Variants in NELL2 observed in about 807,000 individuals in gnomAD.
The protein encoded by NELL2 is neural EGFL like 2.
A neutral mutation model predicts 109.6 loss-of-function variants in NELL2; 41 were observed. That is an observed-to-expected ratio of 0.37 (90% CI 0.29 to 0.49). The LOEUF is 0.49. Ranked by LOEUF, NELL2 falls within the 20% of genes least tolerant of loss-of-function variation. The pLI, the probability that NELL2 is intolerant of heterozygous loss-of-function variation, is 0.98. For synonymous variants in NELL2, 355 were observed against 344.7 expected, an observed-to-expected ratio of 1.03 and a Z score of -0.33; for missense variants, 900 against 1,008.3, an observed-to-expected ratio of 0.89 and a Z score of 1.45.
Position 44,772,288 on chromosome 12 carries a change from A to G in NELL2, c.994+2459T>C, listed in dbSNP as rs563002413. ...ATGGTGATACACACACACACGCACA[A>G]ACACACATACAAGACATCATAGACA... On this transcript the variant is annotated intron_variant, in intron 9 of 19. Coordinates refer to ENST00000429094, the MANE Select transcript of NELL2 (RefSeq NM_001145108.2). 3.3e-5 allele frequency among the ~76,000 whole-genome samples: 5 copies of G among 152,238 alleles called. No individual in the cohort carries two copies. In the South Asian group the frequency reaches 1.0e-3, roughly 32 times the overall value.
chr12:44,525,159 C>T (rs531629786), intron 16 of NELL2, among the ~76,000 whole-genome samples: 7 of 152,256 alleles, frequency 4.6e-5, no homozygotes, highest in South Asian at 2.1e-4. Flanking sequence ...TGGCAATGGC[C>T]GAATTTTTGC....
intron 2 of NELL2, among the ~76,000 whole-genome samples, chr12:44,868,525 G>A (rs1485581957): frequency 6.6e-6 from 1 of 152,166 alleles, no homozygotes; most frequent in African/African-American, 2.4e-5. Flanking sequence ...TAAAGAAAAT[G>A]TGGTATATGT....
chr12:44,816,520 A>AAAC (rs1296068813), intron 2 of NELL2, among the ~76,000 whole-genome samples: 1 of 152,212 alleles, frequency 6.6e-6, no homozygotes, highest in African/African-American at 2.4e-5. Flanking sequence ...AATAGGACCT[A>AAAC]AACAACCACA....
At chr12:44,750,297 T>C (rs766664121) in intron 9 of NELL2, among the ~76,000 whole-genome samples, 5 of 152,132 alleles carry the variant, frequency 3.3e-5, no homozygotes, top group African/African-American at 1.2e-4. Context: ...ACCTAGCAGG[T>C]AGACAGATAG....
At chr12:44,802,764 C>G (rs1451533534) in intron 3 of NELL2, among the ~76,000 whole-genome samples, 1 of 151,824 alleles carries the variant, frequency 6.6e-6, no homozygotes, top group Non-Finnish European at 1.5e-5. Context: ...TTGATACTAC[C>G]AGAATATGAA....
intron 15 of NELL2, among the ~76,000 whole-genome samples, chr12:44,585,447 C>T (rs1944457669): frequency 6.6e-6 from 1 of 151,948 alleles, no homozygotes; most frequent in African/African-American, 2.4e-5. Context: ...ACTAAAAATA[C>T]AAAAATTATC....
At chr12:44,805,556 TA>T (rs1942971389) in intron 3 of NELL2, among the ~76,000 whole-genome samples, 1 of 151,860 alleles carries the variant, frequency 6.6e-6, no homozygotes, top group East Asian at 1.9e-4. Context: ...TATCTACATC[TA>T]AGTAGATACC....
At chr12:44,884,284 C>T (rs11534985) in intron 1 of NELL2, among the ~76,000 whole-genome samples, 3,142 of 151,820 alleles carry the variant, frequency 0.021, 112 homozygotes, top group East Asian at 0.18. Flanking sequence ...CACAACAATC[C>T]TAAGTATATA....
intron 15 of NELL2, among the ~76,000 whole-genome samples, chr12:44,549,687 A>AG (rs1942950120): frequency 1.3e-5 from 2 of 152,180 alleles, no homozygotes; most frequent in African/African-American, 4.8e-5. Flanking sequence ...AAAGAATAAA[A>AG]TACTTTTATT....
intron 17 of NELL2, chr12:44,523,004 G>A (rs1244711798): frequency 2.7e-6 from 1 of 367,540 alleles, no homozygotes; most frequent in Non-Finnish European, 5.0e-6. Flanking sequence ...AATGAAGTCA[G>A]ACACAATATA....
chr12:44,545,888 C>A (rs1942775342), intron 15 of NELL2, among the ~76,000 whole-genome samples: 1 of 152,004 alleles, frequency 6.6e-6, no homozygotes, highest in Non-Finnish European at 1.5e-5. Flanking sequence ...TTTCTAATAG[C>A]AAAGATTAGA....
chr12:44,779,678 C>A lies in NELL2; in HGVS notation c.591G>T (p.Ala197=), dbSNP rs373223141. Reference sequence around the variant, plus strand: ...CAAAAGATACCTTAAAATATCCATGCGCATTATTTCTCTGTCCTAGCCAAA... The same window carrying A: ...CAAAAGATACCTTAAAATATCCATGAGCATTATTTCTCTGTCCTAGCCAAA... ...TTFWLGQRNN[A]HGYFKGIMQD... is the part of the protein sequence containing the mutation. The change falls in exon 5 of 20, where the codon GCG becomes GCT. Residue 197 remains alanine, a synonymous_variant. Transcript: ENST00000429094. 2.5e-6 allele frequency: 4 copies of A among 1,612,934 alleles called. No individual in the cohort carries two copies. The highest frequency in any genetic ancestry group is 2.7e-5 in the African/African-American group (2 of 74,880).
chr12:44,896,905 A>G (rs187521564), intron 1 of NELL2, among the ~76,000 whole-genome samples: 1 of 152,336 alleles, frequency 6.6e-6, no homozygotes, highest in Non-Finnish European at 1.5e-5. Flanking sequence ...TGTGAAAGCT[A>G]CAGGGATTCT....
chr12:44,699,043 A>G (rs1462015683), intron 12 of NELL2, among the ~76,000 whole-genome samples: 1 of 152,334 alleles, frequency 6.6e-6, no homozygotes, highest in Admixed American at 6.5e-5. Context: ...GATAGAAGAT[A>G]TAGTCAAAAC....
intron 2 of NELL2, among the ~76,000 whole-genome samples, chr12:44,845,339 G>T (rs1944339697): frequency 6.6e-6 from 1 of 152,166 alleles, no homozygotes; most frequent in Admixed American, 6.5e-5. Context: ...CATGGAAGGG[G>T]ACAGGAGTGG....
intron 15 of NELL2, among the ~76,000 whole-genome samples, chr12:44,566,566 C>CACACACACACAG (rs377368706): frequency 1.7e-4 from 24 of 138,518 alleles, no homozygotes; most frequent in African/African-American, 6.2e-4. Flanking sequence ...CACACACACA[C>CACACACACACAG]AGAGTTTTAT....
In NELL2 at chr12:44,698,683, C is replaced by T. The variant is rs78997476; in HGVS notation, c.1318+5043G>A. Among the ~76,000 whole-genome samples the T allele has an allele frequency of 1.2e-3, 185 of 152,276 alleles. 3 individuals are homozygous for T. In the East Asian group the frequency reaches 0.026, roughly 22 times the overall value. On this transcript the variant is annotated intron_variant, in intron 12 of 19. Transcript: ENST00000429094. ...GCTCAGACTATACTAAACTATTTCC[C>T]ATATTCTTGTTAATTTGAAGAAATG...
At chr12:44,908,515 TGAGTGAGGA>T (rs2136889218) in intron 1 of NELL2, among the ~76,000 whole-genome samples, 1 of 151,954 alleles carries the variant, frequency 6.6e-6, no homozygotes, top group Admixed American at 6.6e-5. Flanking sequence ...AACATAGGGA[TGAGTGAGGA>T]AGAATGGAAG....
chr12:44,824,089 T>C (rs1943626356), intron 2 of NELL2, among the ~76,000 whole-genome samples: 1 of 152,222 alleles, frequency 6.6e-6, no homozygotes, highest in Non-Finnish European at 1.5e-5. Context: ...GTTATTTGTT[T>C]TCTTGCTATT....
Sources: gnomAD v4.1 joint callset for allele counts (sites outside exome capture counted in the v4.1 genomes callset) on GRCh38, gnomAD v4.1.1 for gene constraint, MANE v1.5 for transcripts, NCBI Gene and HGNC (gene_info 2026-07-23, HGNC 2026-07-21) for gene names.